Variants in TTC28 observed in about 807,000 individuals in gnomAD.
TTC28 encodes tetratricopeptide repeat protein 28.
A neutral mutation model predicts 198.0 loss-of-function variants in TTC28; 61 were observed. The observed-to-expected ratio is 0.31, with a 90% CI of 0.25 to 0.38. The LOEUF (loss-of-function observed/expected upper bound fraction) is 0.38. Among genes scored for constraint, TTC28 ranks in the 10% least tolerant of loss-of-function variants. The pLI, the probability that TTC28 is intolerant of heterozygous loss-of-function variation, is 1.00. For missense variants in TTC28, 2,678 were observed against 3,164.0 expected (o/e 0.85, Z 3.69); for synonymous variants, 1,171 against 1,297.8 (o/e 0.90, Z 2.10).
At chr22:28,455,430 A>G (rs1036239164) in intron 2 of TTC28, among the ~76,000 whole-genome samples, 2 of 152,128 alleles carry the variant, frequency 1.3e-5, no homozygotes, top group African/African-American at 4.8e-5. Context: ...AAAGAGCATC[A>G]TGGCCAGGTG....
intron 2 of TTC28, among the ~76,000 whole-genome samples, chr22:28,524,336 T>C (rs955048148): frequency 6.6e-6 from 1 of 151,346 alleles, no homozygotes; most frequent in Admixed American, 6.6e-5. Flanking sequence ...GGCGGGCGCC[T>C]GTAGTCCCAG....
chr22:28,389,819 G>C (rs2046684475), intron 2 of TTC28, among the ~76,000 whole-genome samples: 1 of 150,558 alleles, frequency 6.6e-6, no homozygotes, highest in African/African-American at 2.4e-5. Flanking sequence ...ATTTTTTGAA[G>C]GGTTTTTTGT....
In TTC28 at chr22:28,630,526, G is replaced by C. The variant is rs573904172; in HGVS notation, c.103-696C>G. On this transcript the variant is annotated intron_variant, in intron 1 of 22. Coordinates refer to ENST00000397906, the MANE Select transcript of TTC28 (RefSeq NM_001145418.2). ...AGACAGGATTTCACTATGTTGCCCAGGTTGATTTTGAACTACTAGCCTCAA... is the reference window on the plus strand; with the variant it reads ...AGACAGGATTTCACTATGTTGCCCACGTTGATTTTGAACTACTAGCCTCAA... Among the ~76,000 whole-genome samples, 15 of 152,228 alleles carry C rather than the reference G, an allele frequency of 9.9e-5. No homozygotes were observed. The South Asian group carries it at 2.9e-3, about 29-fold the overall frequency.
chr22:28,414,324 T>C (rs1339863424), intron 2 of TTC28, among the ~76,000 whole-genome samples: 1 of 152,174 alleles, frequency 6.6e-6, no homozygotes, highest in Non-Finnish European at 1.5e-5. Context: ...TGAGGAATAT[T>C]TGAAACATTT....
At chr22:28,639,984 A>C (rs1289049088) in intron 1 of TTC28, among the ~76,000 whole-genome samples, 1 of 152,174 alleles carries the variant, frequency 6.6e-6, no homozygotes, top group Non-Finnish European at 1.5e-5. Context: ...AACAAGATTA[A>C]TAAACTGGAA....
At chr22:28,426,041 T>C (rs1189799290) in intron 2 of TTC28, among the ~76,000 whole-genome samples, 1 of 151,916 alleles carries the variant, frequency 6.6e-6, no homozygotes, top group African/African-American at 2.4e-5. Context: ...TGAAATCCCA[T>C]CTCTACTAAA....
intron 2 of TTC28, among the ~76,000 whole-genome samples, chr22:28,338,098 G>A (rs2045763338): frequency 6.6e-6 from 1 of 152,078 alleles, no homozygotes; most frequent in Non-Finnish European, 1.5e-5. Flanking sequence ...CTTCACTTAT[G>A]AAGCTTAGTT....
At chr22:28,264,826 G>A (rs985188864) in intron 5 of TTC28, among the ~76,000 whole-genome samples, 3 of 152,122 alleles carry the variant, frequency 2.0e-5, no homozygotes, top group Middle Eastern at 3.2e-3. Flanking sequence ...TGAAGACTGC[G>A]ATATGAGTGT....
intron 5 of TTC28, among the ~76,000 whole-genome samples, chr22:28,255,698 G>A (rs1930859001): frequency 6.6e-6 from 1 of 150,924 alleles, no homozygotes; most frequent in African/African-American, 2.4e-5. Context: ...AAAAAAAAAG[G>A]TTCTAGTATG....
At chr22:28,416,757 T>C (rs940271818) in intron 2 of TTC28, among the ~76,000 whole-genome samples, 2 of 152,144 alleles carry the variant, frequency 1.3e-5, no homozygotes, top group African/African-American at 2.4e-5. Context: ...CTCGATGACA[T>C]AGTAACATAC....
chr22:28,525,231 G>A (rs138320135), intron 2 of TTC28, among the ~76,000 whole-genome samples: 302 of 152,206 alleles, frequency 2.0e-3, no homozygotes, highest in Middle Eastern at 0.01. Context: ...CTCACTGTAT[G>A]TACCTCGACC....
At chr22:28,167,880 T>G (rs566057521) in intron 5 of TTC28, among the ~76,000 whole-genome samples, 27 of 152,308 alleles carry the variant, frequency 1.8e-4, no homozygotes, top group Admixed American at 1.2e-3. Flanking sequence ...GAAGTCAAAT[T>G]GTCCCTGTTT....
At chr22:28,384,603 C>T (rs966620587) in intron 2 of TTC28, among the ~76,000 whole-genome samples, 5 of 152,304 alleles carry the variant, frequency 3.3e-5, no homozygotes, top group Non-Finnish European at 5.9e-5. Flanking sequence ...GGTGATGAAA[C>T]GAAGGTATTC....
chr22:28,659,830 G>A lies in TTC28; in HGVS notation c.102+19792C>T, dbSNP rs779274091. On this transcript the variant is annotated intron_variant, in intron 1 of 22. Coordinates refer to ENST00000397906, the MANE Select transcript of TTC28 (RefSeq NM_001145418.2). ...TTTTTTTTTCTTGAGACAAGGTCTCGCTCTGTCACCCAGGCTGGAGTGCAG... is the reference window on the plus strand; with the variant it reads ...TTTTTTTTTCTTGAGACAAGGTCTCACTCTGTCACCCAGGCTGGAGTGCAG... Among the ~76,000 whole-genome samples the A allele has an allele frequency of 2.7e-5, 4 of 150,390 alleles. No individual in the cohort carries two copies. In the South Asian group the frequency reaches 6.3e-4, roughly 24 times the overall value.
chr22:28,218,173 T>C (rs1927554432), intron 5 of TTC28, among the ~76,000 whole-genome samples: 1 of 152,240 alleles, frequency 6.6e-6, no homozygotes, highest in African/African-American at 2.4e-5. Context: ...CTGTACTCTG[T>C]TACTTTCAAA....
At chr22:28,193,742 C>T (rs1925116085) in intron 5 of TTC28, among the ~76,000 whole-genome samples, 1 of 152,068 alleles carries the variant, frequency 6.6e-6, no homozygotes, top group African/African-American at 2.4e-5. Context: ...GCTAACTATC[C>T]TAAATATATA....
intron 16 of TTC28, chr22:27,997,987 C>CA (rs1937581524): frequency 1.9e-5 from 3 of 156,276 alleles, no homozygotes; most frequent in African/African-American, 7.2e-5. Flanking sequence ...ACTCCCTAGA[C>CA]CCTCTGGGCA....
intron 5 of TTC28, among the ~76,000 whole-genome samples, chr22:28,198,907 A>G (rs1925628833): frequency 6.6e-6 from 1 of 152,178 alleles, no homozygotes; most frequent in East Asian, 1.9e-4. Flanking sequence ...ACTGAGTCAC[A>G]GGCCACAAGT....
At chr22:28,480,689 G>A (rs2048234589) in intron 2 of TTC28, among the ~76,000 whole-genome samples, 1 of 152,040 alleles carries the variant, frequency 6.6e-6, no homozygotes, top group South Asian at 2.1e-4. Context: ...TCATTAGCAG[G>A]CTAATTCTTT....
Sources: allele counts gnomAD v4.1 joint callset (sites outside exome capture counted in the v4.1 genomes callset), GRCh38; gene constraint gnomAD v4.1.1; transcripts MANE v1.5; gene names NCBI Gene and HGNC (gene_info 2026-07-23, HGNC 2026-07-21).